SLC24A2: variants seen among roughly 807,000 people sequenced by gnomAD.
The protein encoded by SLC24A2 is solute carrier family 24 member 2.
In SLC24A2, 36 loss-of-function variants were observed where a neutral mutation model predicts 62.0. That is an observed-to-expected ratio of 0.58 (90% CI 0.44 to 0.77). SLC24A2 has a LOEUF of 0.77. Among genes scored for constraint, SLC24A2 ranks in the 30% least tolerant of loss-of-function variants. The pLI is 0.00. For synonymous variants in SLC24A2, 358 were observed against 294.0 expected, an observed-to-expected ratio of 1.22 and a Z score of -2.23; for missense variants, 846 against 817.9, an observed-to-expected ratio of 1.03 and a Z score of -0.42.
the SLC24A2 span, among the ~76,000 whole-genome samples, chr9:19,942,308 T>G: frequency 6.6e-6 from 1 of 152,298 alleles, no homozygotes; most frequent in South Asian, 2.1e-4. Context: ...TCTCAAAGAT[T>G]CAAGTACTAA....
At chr9:19,769,017 T>C (rs1027097249) in intron 2 of SLC24A2, among the ~76,000 whole-genome samples, 4 of 152,194 alleles carry the variant, frequency 2.6e-5, no homozygotes, top group Non-Finnish European at 5.9e-5. Context: ...TGAACTTGTA[T>C]TTCTAGTCTG....
At chr9:20,220,330 T>C in the SLC24A2 span, among the ~76,000 whole-genome samples, 4 of 152,158 alleles carry the variant, frequency 2.6e-5, no homozygotes, top group Non-Finnish European at 5.9e-5. Flanking sequence ...AGTAATACCT[T>C]TGTTTCATCA....
chr9:19,578,631 A>G (rs1473542687), intron 5 of SLC24A2, among the ~76,000 whole-genome samples: 2 of 152,032 alleles, frequency 1.3e-5, no homozygotes, highest in African/African-American at 2.4e-5. Context: ...TTTAGAACCA[A>G]ACCAAACAAA....
chr9:19,712,497 T>G (rs972709332), intron 2 of SLC24A2, among the ~76,000 whole-genome samples: 3 of 152,096 alleles, frequency 2.0e-5, no homozygotes, highest in South Asian at 4.1e-4. Flanking sequence ...CTAGTTCTCC[T>G]TGGGGAGTTT....
the SLC24A2 span, among the ~76,000 whole-genome samples, chr9:19,836,827 C>G: frequency 6.6e-6 from 1 of 152,174 alleles, no homozygotes; most frequent in South Asian, 2.1e-4. Context: ...CAAAAATCCT[C>G]AATAAAATAC....
Position 19,511,002 on chromosome 9 carries a change from A to G in SLC24A2, c.*5151T>C, listed in dbSNP as rs890697502. ...CTGGTGCCCCATGTGTGAGGAAGGC[A>G]TGCAAAATGCCAGTGTGTACATTAG... On this transcript the variant is annotated 3_prime_UTR_variant, in exon 11 of 11. Transcript: ENST00000341998. 3 of 152,238 alleles carry G rather than the reference A, an allele frequency of 2.0e-5. No homozygotes were observed. Among genetic ancestry groups the G allele is most frequent in the Non-Finnish European group, 2.9e-5 (2 of 68,076 alleles). The allele number at this position is 152,238 out of a possible 1,614,324, so 9.4% of individuals were successfully genotyped here.
the SLC24A2 span, among the ~76,000 whole-genome samples, chr9:20,010,926 A>T: frequency 6.6e-6 from 1 of 152,066 alleles, no homozygotes; most frequent in Non-Finnish European, 1.5e-5. Context: ...ATGTCCCTAC[A>T]AAGGACAAGA....
chr9:20,278,485 C>G, the SLC24A2 span, among the ~76,000 whole-genome samples: 1 of 152,180 alleles, frequency 6.6e-6, no homozygotes, highest in Non-Finnish European at 1.5e-5. Flanking sequence ...TTCCACAGGT[C>G]TCTAGGGCAG....
chr9:19,753,993 G>T (rs1464617957), intron 2 of SLC24A2, among the ~76,000 whole-genome samples: 1 of 152,108 alleles, frequency 6.6e-6, no homozygotes, highest in Non-Finnish European at 1.5e-5. Flanking sequence ...GTATGAAAAT[G>T]ACTGATTACA....
At chr9:20,275,743 A>G in the SLC24A2 span, among the ~76,000 whole-genome samples, 1 of 152,302 alleles carries the variant, frequency 6.6e-6, no homozygotes, top group East Asian at 1.9e-4. Context: ...GTAATTATAA[A>G]GAAAAAGAGG....
At chr9:20,007,321 G>A in the SLC24A2 span, among the ~76,000 whole-genome samples, 2 of 152,240 alleles carry the variant, frequency 1.3e-5, no homozygotes, top group Non-Finnish European at 2.9e-5. Context: ...ATGCTGGGTT[G>A]AAAAGGATTC....
the SLC24A2 span, among the ~76,000 whole-genome samples, chr9:19,909,366 A>T: frequency 6.6e-6 from 1 of 152,188 alleles, no homozygotes; most frequent in Admixed American, 6.5e-5. Context: ...TAGCATTAGG[A>T]GATATACCTA....
At chr9:19,860,821 C>A in the SLC24A2 span, among the ~76,000 whole-genome samples, 1 of 152,074 alleles carries the variant, frequency 6.6e-6, no homozygotes, top group Non-Finnish European at 1.5e-5. Context: ...CATCGTGGGC[C>A]CGAGGTGGCA....
chr9:19,958,069 C>T, the SLC24A2 span: 54 of 152,394 alleles, frequency 3.5e-4, no homozygotes, highest in African/African-American at 1.3e-3. Flanking sequence ...CCTCTTATTC[C>T]ACCAAGGTAC....
intron 2 of SLC24A2, among the ~76,000 whole-genome samples, chr9:19,755,530 G>T (rs1000596743): frequency 3.9e-5 from 6 of 152,160 alleles, no homozygotes; most frequent in Admixed American, 2.6e-4. Flanking sequence ...CAGGTGGCCG[G>T]GTGTGGAAGT....
the SLC24A2 span, among the ~76,000 whole-genome samples, chr9:20,184,177 C>T: frequency 0.093 from 14,100 of 152,206 alleles, 776 homozygotes; most frequent in Non-Finnish European, 0.13. Flanking sequence ...TGCTCAGCCA[C>T]ATTAATTATC....
chr9:19,968,177 T>A, the SLC24A2 span, among the ~76,000 whole-genome samples: 1 of 152,208 alleles, frequency 6.6e-6, no homozygotes, highest in Non-Finnish European at 1.5e-5. Flanking sequence ...TTCATCATCA[T>A]AATCTTCATC....
the SLC24A2 span, among the ~76,000 whole-genome samples, chr9:19,827,871 A>T: frequency 2.0e-5 from 3 of 152,192 alleles, no homozygotes; most frequent in African/African-American, 7.2e-5. Context: ...AATCACCCAT[A>T]TATAAGACAT....
At chr9:19,824,555 C>T in the SLC24A2 span, among the ~76,000 whole-genome samples, 2 of 152,064 alleles carry the variant, frequency 1.3e-5, no homozygotes, top group Non-Finnish European at 2.9e-5. Context: ...AATGGGAATG[C>T]TTTTACGCTG....
Sources: gnomAD v4.1 joint callset for allele counts (sites outside exome capture counted in the v4.1 genomes callset) on GRCh38, gnomAD v4.1.1 for gene constraint, MANE v1.5 for transcripts, NCBI Gene and HGNC (gene_info 2026-07-23, HGNC 2026-07-21) for gene names.